Variants in TAFA2 observed in about 807,000 individuals in gnomAD.
TAFA2 encodes the protein TAFA chemokine like family member 2.
In TAFA2, 7 loss-of-function variants were observed where a neutral mutation model predicts 18.8. The observed-to-expected ratio is 0.37, with a 90% CI of 0.21 to 0.70. TAFA2 has a LOEUF of 0.70. Among genes scored for constraint, TAFA2 ranks in the 30% least tolerant of loss-of-function variants. The pLI, the probability that TAFA2 is intolerant of heterozygous loss-of-function variation, is 0.53. For synonymous variants in TAFA2, 60 were observed against 54.2 expected (o/e 1.11, Z -0.47); for missense variants, 122 against 158.1 (o/e 0.77, Z 1.23).
chr12:62,208,277 A>G (rs1168504875), intron 1 of TAFA2, among the ~76,000 whole-genome samples: 3 of 152,128 alleles, frequency 2.0e-5, no homozygotes, highest in Admixed American at 1.3e-4. Context: ...GGACATATGA[A>G]CCAAGTGGCA....
intron 1 of TAFA2, among the ~76,000 whole-genome samples, chr12:61,980,976 C>A (rs1879615014): frequency 6.6e-6 from 1 of 152,082 alleles, no homozygotes; most frequent in African/African-American, 2.4e-5. Context: ...TCATATGGAA[C>A]CAAAAAAGAG....
chr12:62,048,349 C>T (rs1256144874), intron 1 of TAFA2, among the ~76,000 whole-genome samples: 1 of 152,144 alleles, frequency 6.6e-6, no homozygotes, highest in Non-Finnish European at 1.5e-5. Context: ...TATCAGATCT[C>T]GTGAGAACTC....
At chr12:61,721,716 G>T (rs1288450972) in intron 4 of TAFA2, among the ~76,000 whole-genome samples, 1 of 152,200 alleles carries the variant, frequency 6.6e-6, no homozygotes, top group Non-Finnish European at 1.5e-5. Flanking sequence ...AACACTTTGG[G>T]AGGCCAACGC....
At chr12:62,150,607 A>G (rs189499195) in intron 1 of TAFA2, among the ~76,000 whole-genome samples, 1 of 152,262 alleles carries the variant, frequency 6.6e-6, no homozygotes, top group Non-Finnish European at 1.5e-5. Context: ...AAGTCACAAA[A>G]CAGTAGCAAA....
At chr12:62,049,761 T>C (rs1443278811) in intron 1 of TAFA2, among the ~76,000 whole-genome samples, 1 of 152,168 alleles carries the variant, frequency 6.6e-6, no homozygotes, top group Non-Finnish European at 1.5e-5. Context: ...TATTATATTG[T>C]GTATGTATAT....
chr12:62,226,392 T>A (rs1035916379), intron 1 of TAFA2, among the ~76,000 whole-genome samples: 1 of 152,102 alleles, frequency 6.6e-6, no homozygotes, highest in African/African-American at 2.4e-5. Context: ...AGAGACGGAG[T>A]TTCACTGTGT....
chr12:62,240,713 G>T (rs1464786578), intron 1 of TAFA2, among the ~76,000 whole-genome samples: 4 of 152,022 alleles, frequency 2.6e-5, no homozygotes, highest in African/African-American at 9.7e-5. Context: ...ATAAAGCAGG[G>T]GTTCCCAACC....
chr12:62,117,231 C>T (rs1376481067), intron 1 of TAFA2, among the ~76,000 whole-genome samples: 1 of 152,170 alleles, frequency 6.6e-6, no homozygotes, highest in Non-Finnish European at 1.5e-5. Flanking sequence ...ATTCTAAAGA[C>T]TGCCAGTTGC....
chr12:62,021,214 G>A (rs926560284), intron 1 of TAFA2, among the ~76,000 whole-genome samples: 3 of 152,182 alleles, frequency 2.0e-5, no homozygotes, highest in African/African-American at 4.8e-5. Flanking sequence ...TATTTGATTA[G>A]CAGATGCTTG....
intron 1 of TAFA2, among the ~76,000 whole-genome samples, chr12:61,994,687 T>G (rs2136692808): frequency 6.6e-6 from 1 of 152,266 alleles, no homozygotes; most frequent in African/African-American, 2.4e-5. Flanking sequence ...GGACTCTCCC[T>G]TCCTCATTTT....
intron 1 of TAFA2, among the ~76,000 whole-genome samples, chr12:62,231,694 C>T (rs577488298): frequency 6.6e-6 from 1 of 152,088 alleles, no homozygotes; most frequent in African/African-American, 2.4e-5. Flanking sequence ...CAATGAATCA[C>T]AAACAGAATA....
chr12:62,030,353 C>A (rs1396774661), intron 1 of TAFA2, among the ~76,000 whole-genome samples: 1 of 152,028 alleles, frequency 6.6e-6, no homozygotes, highest in South Asian at 2.1e-4. Flanking sequence ...ATTTAAATGG[C>A]CCCGAATTGA....
intron 2 of TAFA2, among the ~76,000 whole-genome samples, chr12:61,848,446 T>C (rs932534659): frequency 9.2e-5 from 14 of 152,198 alleles, no homozygotes; most frequent in African/African-American, 3.4e-4. Context: ...ATTGTACTTA[T>C]TTAAAAATAA....
chr12:61,880,805 C>CA (rs1032109591), intron 1 of TAFA2: 1 of 326,964 alleles, frequency 3.1e-6, no homozygotes, highest in African/African-American at 2.2e-5. Flanking sequence ...CCCTACTCCC[C>CA]CCTGCAGCTG....
At position 62,051,140 on chromosome 12, in the gene TAFA2, G is replaced by A. The variant is rs9739561; in HGVS notation, c.-2+140119C>T. 7.4e-3 allele frequency among the ~76,000 whole-genome samples: 1,121 copies of A among 152,224 alleles called. 18 individuals are homozygous for A. Among genetic ancestry groups the A allele is most frequent in the African/African-American group, 0.026 (1,084 of 41,508 alleles). ...TGCTAGATCAGCTTTTGGTGTTGCTGTAATATTTTAGCTCTGTGCTTCCTG... is the reference window on the plus strand; with the variant it reads ...TGCTAGATCAGCTTTTGGTGTTGCTATAATATTTTAGCTCTGTGCTTCCTG... On this transcript the variant is annotated intron_variant, in intron 1 of 4. Coordinates refer to ENST00000416284, the MANE Select transcript of TAFA2 (RefSeq NM_178539.5).
At chr12:61,768,429 A>T (rs1869880700) in intron 2 of TAFA2, among the ~76,000 whole-genome samples, 1 of 152,128 alleles carries the variant, frequency 6.6e-6, no homozygotes, top group South Asian at 2.1e-4. Context: ...ATACCAGGAA[A>T]GCTGAGAGAA....
At chr12:61,864,367 T>C (rs936205152) in intron 2 of TAFA2, among the ~76,000 whole-genome samples, 14 of 149,322 alleles carry the variant, frequency 9.4e-5, no homozygotes, top group African/African-American at 2.9e-4. Context: ...TATATATATA[T>C]ACCTATATAT....
In TAFA2 at chr12:61,867,393, T is replaced by G. The variant is rs777947032; in HGVS notation, c.33A>C (p.Lys11Asn). Residue 11 changes from lysine (K) to asparagine (N), a missense_variant, in exon 2 of 5, where the codon AAA (lysine) becomes AAC (asparagine). Transcript: ENST00000416284. ...TAAATATTATTATTAGCAGTTTTCCTTTTGTTGCTTTCTGTAAGTATCTCT... is the reference window on the plus strand; with the variant it reads ...TAAATATTATTATTAGCAGTTTTCCGTTTGTTGCTTTCTGTAAGTATCTCT... Reference protein sequence around the residue: MSKRYLQKATKGKLLIIIFIV... With the variant: MSKRYLQKATNGKLLIIIFIV... 1.2e-6 allele frequency: 2 copies of G among 1,606,430 alleles called. No homozygotes were observed. The highest frequency in any genetic ancestry group is 2.2e-5 in the East Asian group (1 of 44,740).
intron 1 of TAFA2, among the ~76,000 whole-genome samples, chr12:61,929,138 C>G (rs2121388546): frequency 6.6e-6 from 1 of 150,818 alleles, no homozygotes; most frequent in South Asian, 2.1e-4. Context: ...GCACATGTAT[C>G]CCCAAACTTA....
Sources: gnomAD v4.1 joint callset for allele counts (sites outside exome capture counted in the v4.1 genomes callset) on GRCh38, gnomAD v4.1.1 for gene constraint, MANE v1.5 for transcripts, NCBI Gene and HGNC (gene_info 2026-07-23, HGNC 2026-07-21) for gene names.